ATP8B4: variants seen among roughly 807,000 people sequenced by gnomAD.
The protein encoded by ATP8B4 is ATPase phospholipid transporting 8B4 (putative), also known as probable phospholipid-transporting ATPase IM.
ATP8B4 carries 133 observed loss-of-function variants against 145.6 expected under a neutral mutation model. The ratio of observed to expected loss-of-function variants is 0.91; its 90% confidence interval spans 0.79 to 1.05. ATP8B4 has a LOEUF of 1.05. Among genes scored for constraint, ATP8B4 ranks in the 50% least tolerant of loss-of-function variants. The pLI is 0.00. For synonymous variants in ATP8B4, 507 were observed against 492.9 expected (o/e 1.03, Z -0.38); for missense variants, 1,458 against 1,425.2 (o/e 1.02, Z -0.37).
chr15:49,932,126 T>A (rs1299348626), intron 15 of ATP8B4, among the ~76,000 whole-genome samples: 2 of 151,864 alleles, frequency 1.3e-5, no homozygotes, highest in African/African-American at 4.8e-5. Flanking sequence ...GCTAGACCCA[T>A]ATTTCCTGAT....
intron 1 of ATP8B4, among the ~76,000 whole-genome samples, chr15:50,151,333 T>A (rs1253363183): frequency 1.3e-5 from 2 of 152,220 alleles, no homozygotes; most frequent in East Asian, 3.8e-4. Context: ...TAAAATTTCT[T>A]TAGGCTAGGA....
intron 6 of ATP8B4, among the ~76,000 whole-genome samples, chr15:50,017,000 A>G (rs147008879): frequency 5.3e-4 from 80 of 152,158 alleles, no homozygotes; most frequent in African/African-American, 1.8e-3. Flanking sequence ...TCCCGCCTCA[A>G]CCTCCCAAAG....
intron 12 of ATP8B4, among the ~76,000 whole-genome samples, chr15:49,975,911 A>G (rs943200009): frequency 6.6e-6 from 1 of 152,172 alleles, no homozygotes; most frequent in Non-Finnish European, 1.5e-5. Context: ...TAGTTACGGT[A>G]ATAGCAGGAA....
At chr15:49,955,962 A>C (rs1041678924) in intron 14 of ATP8B4, among the ~76,000 whole-genome samples, 1 of 152,218 alleles carries the variant, frequency 6.6e-6, no homozygotes, top group Non-Finnish European at 1.5e-5. Context: ...CTTACAGTTA[A>C]CACTACCATA....
rs563565682 is a variant in ATP8B4 at position 50,083,831 on chromosome 15, C to T, written c.29-9646G>A. Among the ~76,000 whole-genome samples, 19 of 152,292 alleles carry T rather than the reference C, an allele frequency of 1.2e-4. No homozygotes were observed. The South Asian group carries it at 2.5e-3, about 20-fold the overall frequency. ...TTATCCCAAAAATATTTATTGAGCTCGTTTGAGCAAGGCTAATAGAGCTGC... is the reference window on the plus strand; with the variant it reads ...TTATCCCAAAAATATTTATTGAGCTTGTTTGAGCAAGGCTAATAGAGCTGC... On this transcript the variant is annotated intron_variant, in intron 2 of 27. Transcript: ENST00000284509.
chr15:49,992,596 T>A (rs906414823), intron 9 of ATP8B4, among the ~76,000 whole-genome samples: 1 of 151,904 alleles, frequency 6.6e-6, no homozygotes, highest in Non-Finnish European at 1.5e-5. Context: ...AAACCTGGAG[T>A]CCCCAGTGGG....
chr15:49,862,127 AGGTG>A (rs1233373633), intron 27 of ATP8B4, 114 bp downstream of exon 27: 1 of 1,263,108 alleles, frequency 7.9e-7, no homozygotes, highest in Non-Finnish European at 1.1e-6. Flanking sequence ...ATGCACCAGT[AGGTG>A]TTTGCTTGTG....
At chr15:49,877,233 G>T (rs1041294834) in intron 24 of ATP8B4, among the ~76,000 whole-genome samples, 1 of 152,110 alleles carries the variant, frequency 6.6e-6, no homozygotes, top group Non-Finnish European at 1.5e-5. Flanking sequence ...CACACAAATC[G>T]CCTGGGAAAC....
chr15:50,023,498 CT>C (rs772534316), intron 6 of ATP8B4, among the ~76,000 whole-genome samples: 1 of 152,144 alleles, frequency 6.6e-6, no homozygotes, highest in Non-Finnish European at 1.5e-5. Flanking sequence ...TTTTAGGCAT[CT>C]ATTACTCTAA....
At chr15:50,049,009 T>C (rs1330195908) in intron 3 of ATP8B4, among the ~76,000 whole-genome samples, 1 of 152,100 alleles carries the variant, frequency 6.6e-6, no homozygotes, top group Non-Finnish European at 1.5e-5. Flanking sequence ...AGGTGGAGAC[T>C]TGAGACAGGG....
intron 6 of ATP8B4, among the ~76,000 whole-genome samples, chr15:50,029,621 G>T (rs1226337025): frequency 6.6e-6 from 1 of 152,090 alleles, no homozygotes; most frequent in African/African-American, 2.4e-5. Flanking sequence ...AGATTCTGTT[G>T]CAAATATCTT....
chr15:49,983,165 G>A (rs767910047), intron 10 of ATP8B4, among the ~76,000 whole-genome samples: 2 of 152,116 alleles, frequency 1.3e-5, no homozygotes, highest in East Asian at 3.8e-4. Context: ...TAATAATATA[G>A]ACAAGATGTG....
At chr15:49,899,385 C>T (rs995864967) in intron 21 of ATP8B4, among the ~76,000 whole-genome samples, 7 of 152,290 alleles carry the variant, frequency 4.6e-5, no homozygotes, top group South Asian at 2.1e-4. Flanking sequence ...ATCCCTAAAA[C>T]GAGAGCCATG....
At chr15:49,908,974 C>G (rs548475739) in intron 20 of ATP8B4, among the ~76,000 whole-genome samples, 61 of 152,300 alleles carry the variant, frequency 4.0e-4, no homozygotes, top group Admixed American at 8.5e-4. Flanking sequence ...CCCCAGCAGC[C>G]AGCACGGCCA....
chr15:50,045,077 C>T (rs546971689), intron 4 of ATP8B4, among the ~76,000 whole-genome samples: 15 of 152,308 alleles, frequency 9.8e-5, no homozygotes, highest in African/African-American at 3.1e-4. Flanking sequence ...ATCTGCCTTG[C>T]ACCAGACACT....
Sources: gnomAD v4.1 joint callset for allele counts (sites outside exome capture counted in the v4.1 genomes callset) on GRCh38, gnomAD v4.1.1 for gene constraint, MANE v1.5 for transcripts, NCBI Gene and HGNC (gene_info 2026-07-23, HGNC 2026-07-21) for gene names.